KALRN: variants seen among roughly 807,000 people sequenced by gnomAD.
KALRN encodes kalirin.
In KALRN, 70 loss-of-function variants were observed where a neutral mutation model predicts 353.7. The ratio of observed to expected loss-of-function variants is 0.20; its 90% CI spans 0.16 to 0.24. The LOEUF is 0.24. Among genes scored for constraint, KALRN ranks in the 10% least tolerant of loss-of-function variants. The pLI, the probability that KALRN is intolerant of heterozygous loss-of-function variation, is 1.00. For missense variants in KALRN, 2,791 were observed against 3,756.7 expected (o/e 0.74, Z 6.72); for synonymous variants, 1,391 against 1,434.8 (o/e 0.97, Z 0.69).
chr3:124,659,312 G>T, intron 42 of KALRN, 53 bp from the exon 43 acceptor site: 1 of 1,226,916 alleles, frequency 8.2e-7, no homozygotes, highest in South Asian at 1.2e-5. Flanking sequence ...CTTATTCAAA[G>T]CACCCCAGTT....
chr3:124,342,716 G>A (rs1286696498), intron 9 of KALRN, among the ~76,000 whole-genome samples: 2 of 152,114 alleles, frequency 1.3e-5, no homozygotes, highest in Admixed American at 6.5e-5. Context: ...CCCAGAATCT[G>A]ACTGACAACC....
intron 32 of KALRN, 86 bp from the exon 33 acceptor site, chr3:124,496,225 C>A (rs1351399985): frequency 1.0e-6 from 1 of 958,028 alleles, no homozygotes; most frequent in Non-Finnish European, 1.7e-6. Flanking sequence ...GCTGCTCTGC[C>A]CACCCAACCG....
chr3:124,116,102 T>C (rs1160668188), intron 1 of KALRN, among the ~76,000 whole-genome samples: 1 of 152,218 alleles, frequency 6.6e-6, no homozygotes, highest in African/African-American at 2.4e-5. Flanking sequence ...CTGGATGTTA[T>C]ATTCATGAGG....
At chr3:124,127,392 G>T (rs1409744010) in intron 1 of KALRN, among the ~76,000 whole-genome samples, 4 of 151,902 alleles carry the variant, frequency 2.6e-5, no homozygotes, top group African/African-American at 4.8e-5. Context: ...CCTTACTGAG[G>T]TTTCTGGACC....
At chr3:124,268,700 C>G (rs1373591129) in intron 4 of KALRN, 43 bp from the exon 5 acceptor site, 1 of 1,599,760 alleles carries the variant, frequency 6.3e-7, no homozygotes, top group Admixed American at 1.7e-5. Context: ...CTGTTCTTCC[C>G]CTGACATCAC....
At position 124,329,930 on chromosome 3, in the gene KALRN, C is replaced by T. The variant is rs1355963080; in HGVS notation, c.1354C>T (p.Leu452=). ...EGGLPSEMQD[L]ELAIHHHQTL... ...TGGTCTGCCATCCGAGATGCAAGAC[C>T]TAGAGCTGGCAATCCACCACCACCA... Residue 452 remains leucine, a synonymous_variant, in exon 8 of 60, where the codon CTA becomes TTA. Coordinates refer to ENST00000682506, the MANE Select transcript of KALRN (RefSeq NM_001388419.1). 1.2e-6 allele frequency: 2 copies of T among 1,613,900 alleles called. No homozygotes were observed. Among genetic ancestry groups the T allele is most frequent in the Non-Finnish European group, 1.7e-6 (2 of 1,179,940 alleles).
chr3:124,108,266 A>G (rs760039340), intron 1 of KALRN, among the ~76,000 whole-genome samples: 3 of 152,234 alleles, frequency 2.0e-5, no homozygotes, highest in Non-Finnish European at 4.4e-5. Flanking sequence ...CTTAGAGATC[A>G]TATCACTGGT....
chr3:124,271,989 C>T (rs2148951708), intron 5 of KALRN, among the ~76,000 whole-genome samples: 1 of 152,246 alleles, frequency 6.6e-6, no homozygotes, highest in East Asian at 1.9e-4. Context: ...ATTGGATACT[C>T]ATGGACTTAA....
At chr3:124,382,971 C>A (rs917699605) in intron 10 of KALRN, among the ~76,000 whole-genome samples, 1 of 152,222 alleles carries the variant, frequency 6.6e-6, no homozygotes, top group African/African-American at 2.4e-5. Flanking sequence ...AGTGGCAAAA[C>A]TACTTTCCTC....
chr3:124,519,106 C>T (rs2066941891), intron 33 of KALRN: 1 of 985,756 alleles, frequency 1.0e-6, no homozygotes. Flanking sequence ...TTTTCTAGCT[C>T]CTCCATAACC....
At chr3:124,699,745 C>A in intron 55 of KALRN, 124 bp from the exon 56 acceptor site, 2 of 894,642 alleles carry the variant, frequency 2.2e-6, no homozygotes, top group Non-Finnish European at 3.5e-6. Flanking sequence ...CAGAGCCTGA[C>A]ACGGTAACCA....
intron 1 of KALRN, among the ~76,000 whole-genome samples, chr3:124,069,646 G>A (rs1487501944): frequency 6.6e-6 from 1 of 152,196 alleles, no homozygotes; most frequent in Non-Finnish European, 1.5e-5. Context: ...GGGAACCATT[G>A]AGTGTTTTTG....
chr3:124,665,982 A>G (rs2085555681), intron 45 of KALRN, among the ~76,000 whole-genome samples: 1 of 152,120 alleles, frequency 6.6e-6, no homozygotes, highest in South Asian at 2.1e-4. Context: ...TCTACAGGTG[A>G]GTTCAAGGTT....
At chr3:124,436,135 C>T (rs2093451838) in intron 17 of KALRN, among the ~76,000 whole-genome samples, 1 of 152,150 alleles carries the variant, frequency 6.6e-6, no homozygotes, top group African/African-American at 2.4e-5. Context: ...GGATGCTGGA[C>T]AACTGAATAT....
intron 51 of KALRN, among the ~76,000 whole-genome samples, chr3:124,685,264 G>A (rs1476319259): frequency 6.6e-6 from 1 of 152,060 alleles, no homozygotes; most frequent in African/African-American, 2.4e-5. Context: ...CATGCAGACC[G>A]ATTTATATTC....
intron 10 of KALRN, among the ~76,000 whole-genome samples, chr3:124,350,350 A>T (rs2082714624): frequency 6.6e-6 from 1 of 152,178 alleles, no homozygotes; most frequent in Non-Finnish European, 1.5e-5. Context: ...TTATGTTTCC[A>T]TTATATATCT....
intron 1 of KALRN, among the ~76,000 whole-genome samples, chr3:124,227,276 C>T (rs377220228): frequency 6.6e-6 from 1 of 152,108 alleles, no homozygotes; most frequent in Admixed American, 6.5e-5. Flanking sequence ...AGAAAGAGAA[C>T]AAGTTAAACA....
intron 57 of KALRN, among the ~76,000 whole-genome samples, chr3:124,704,778 G>A (rs573293710): frequency 8.5e-5 from 13 of 152,134 alleles, no homozygotes; most frequent in Non-Finnish European, 1.5e-4. Context: ...TCAAACTCCT[G>A]AGCTCAAGCA....
At chr3:124,133,271 A>C (rs764105359) in intron 1 of KALRN, among the ~76,000 whole-genome samples, 35 of 152,212 alleles carry the variant, frequency 2.3e-4, no homozygotes, top group Non-Finnish European at 5.9e-5. Flanking sequence ...GAGGGAATCA[A>C]ATCTGGGCAA....
Sources: allele counts gnomAD v4.1 joint callset (sites outside exome capture counted in the v4.1 genomes callset), GRCh38; gene constraint gnomAD v4.1.1; transcripts MANE v1.5; gene names NCBI Gene and HGNC (gene_info 2026-07-23, HGNC 2026-07-21).